The following MED1 variants were observed in gnomAD, a reference collection of about 807,000 sequenced individuals.
MED1 encodes mediator complex subunit 1.
In MED1, 17 loss-of-function variants were observed where a neutral mutation model predicts 121.3. The observed-to-expected ratio is 0.14, with a 90% CI of 0.10 to 0.21. The LOEUF (loss-of-function observed/expected upper bound fraction) is 0.21. MED1 is among the 10% of genes least tolerant of loss of function. The probability of loss-of-function intolerance (pLI) is 1.00; values close to 1 mark genes in which losing one functional copy is unlikely to be tolerated. For missense variants in MED1, 1,558 were observed against 1,919.4 expected (o/e 0.81, Z 3.52); for synonymous variants, 661 against 694.4 (o/e 0.95, Z 0.76).
chr17:39,439,698 G>C (rs1567651779), intron 5 of MED1, among the ~76,000 whole-genome samples: 3 of 152,132 alleles, frequency 2.0e-5, no homozygotes, highest in South Asian at 4.1e-4. Flanking sequence ...AACACTTTGG[G>C]AGGCTGAGGC....
chr17:39,412,782 C>T (rs1320907501), intron 16 of MED1, among the ~76,000 whole-genome samples: 1 of 151,770 alleles, frequency 6.6e-6, no homozygotes, highest in African/African-American at 2.4e-5. Context: ...GTGATTTACC[C>T]GCCTCAGCCT....
chr17:39,426,371 C>T (rs939726085), intron 10 of MED1, among the ~76,000 whole-genome samples: 1 of 151,822 alleles, frequency 6.6e-6, no homozygotes, highest in Admixed American at 6.6e-5. Flanking sequence ...CACTTGAACC[C>T]AGGAGGTGTA....
chr17:39,421,699 T>C (rs1258407914), intron 13 of MED1, among the ~76,000 whole-genome samples: 4 of 152,192 alleles, frequency 2.6e-5, no homozygotes, highest in Admixed American at 2.6e-4. Flanking sequence ...TCTTAATTAC[T>C]GCTTCCAGCA....
chr17:39,423,271 T>C (rs528433988), intron 13 of MED1, 56 bp downstream of exon 13: 13 of 1,278,160 alleles, frequency 1.0e-5, no homozygotes, highest in East Asian at 9.3e-5. Context: ...AGGAAGATTA[T>C]GATCTTGGGT....
rs138343312 is a variant in MED1 at position 39,423,396 on chromosome 17, C to G, written c.1026G>C (p.Leu342=). 220 of 1,613,816 alleles carry G rather than the reference C, an allele frequency of 1.4e-4. No individual in the cohort carries two copies. Among genetic ancestry groups the G allele is most frequent in the Non-Finnish European group, 1.8e-4 (214 of 1,179,906 alleles). ...TQPTYAPLYE[L]ITQFELSKDP... Reference sequence around the variant, plus strand: ...CCTTTGATAGCTCAAACTGAGTGATCAGTTCATACAGGGGTGCATAAGTTG... The same window carrying G: ...CCTTTGATAGCTCAAACTGAGTGATGAGTTCATACAGGGGTGCATAAGTTG... Residue 342 remains leucine (L), a synonymous_variant, in exon 13 of 17, where the codon CTG becomes CTC. Transcript: ENST00000300651.
chr17:39,413,943 C>T (rs2048380866), intron 16 of MED1, among the ~76,000 whole-genome samples: 1 of 132,208 alleles, frequency 7.6e-6, no homozygotes, highest in Admixed American at 7.8e-5. Context: ...AAAAACAAAG[C>T]TGGCTGTGTG....
At chr17:39,436,218 G>A (rs1415147409) in intron 6 of MED1, among the ~76,000 whole-genome samples, 3 of 151,860 alleles carry the variant, frequency 2.0e-5, no homozygotes, top group East Asian at 1.9e-4. Context: ...AAAATTATCC[G>A]GGCATGGTGG....
chr17:39,424,866 T>C (rs1232535118), intron 10 of MED1, 128 bp from the exon 11 acceptor site: 4 of 601,602 alleles, frequency 6.6e-6, no homozygotes, highest in South Asian at 4.1e-5. Flanking sequence ...TATTCCCTTA[T>C]TTATTTATTT....
Position 39,407,458 on chromosome 17 carries a change from T to C in MED1, c.*17A>G. 1.3e-6 allele frequency: 2 copies of C among 1,579,858 alleles called. No individual in the cohort carries two copies. Among genetic ancestry groups the C allele is most frequent in the Non-Finnish European group, 1.7e-6 (2 of 1,165,152 alleles). Reference sequence around the variant, plus strand: ...TTTTTTTTCCTCTGGCCCTGTTTCTTTTAGGAAATAAGGTTCCTAATTCCC... The same window carrying C: ...TTTTTTTTCCTCTGGCCCTGTTTCTCTTAGGAAATAAGGTTCCTAATTCCC... On this transcript the variant is annotated 3_prime_UTR_variant, in exon 17 of 17. Transcript: ENST00000300651.
chr17:39,410,716 A>G lies in MED1; in HGVS notation c.1505T>C (p.Met502Thr). The G allele has an allele frequency of 6.3e-7, 1 of 1,593,468 alleles. No individual in the cohort carries two copies. Among genetic ancestry groups the G allele is most frequent in the African/African-American group, 1.3e-5 (1 of 74,250 alleles). ...AGCCCTCATCGTCACAGGGATGGAC[A>G]TACATCTGCAAAATAAAGAAGAAAA... is the stretch of plus-strand genomic sequence containing the variant. ...DFIAKVVQRC[M>T]SIPVTMRAIR... The change falls in exon 17 of 17, where the codon ATG becomes ACG. Residue 502 changes from methionine (M) to threonine (T), a missense_variant. By Grantham distance (81) the Met-to-Thr change is moderately conservative. Transcript: ENST00000300651.
At position 39,409,263 on chromosome 17, in the gene MED1, G is replaced by A. The variant is rs765321717; in HGVS notation, c.2958C>T (p.Pro986=). The A allele has an allele frequency of 2.6e-5, 42 of 1,613,852 alleles. No homozygotes were observed. Among genetic ancestry groups the A allele is most frequent in the South Asian group, 3.3e-5 (3 of 91,082 alleles). ...GCTTCCCTGGTTTGCTGTCTAATCCGGGCCCCGAGAGAGTACTATTACTGG... is the reference window on the plus strand; with the variant it reads ...GCTTCCCTGGTTTGCTGTCTAATCCAGGCCCCGAGAGAGTACTATTACTGG... ...NGTSNSTLSG[P]GLDSKPGKRS... The change falls in exon 17 of 17, where the codon CCC becomes CCT. Residue 986 remains proline (P), a synonymous_variant. Transcript: ENST00000300651.
rs576182143 is a variant in MED1, at chr17:39,414,570, C to T, written c.1499+456G>A. Among the ~76,000 whole-genome samples the T allele has an allele frequency of 1.2e-3, 170 of 147,460 alleles. 1 individual carries two copies. Among genetic ancestry groups the T allele is most frequent in the African/African-American group, 4.2e-3 (166 of 39,864 alleles). ...CAGGATGGTCTCAATCTCCTGACCT[C>T]GTGATCCACCCGCCTTCACCTCCCA... is the stretch of plus-strand genomic sequence containing the variant. On this transcript the variant is annotated intron_variant, in intron 16 of 16. Coordinates refer to ENST00000300651, the MANE Select transcript of MED1 (RefSeq NM_004774.4).
At position 39,408,080 on chromosome 17, in the gene MED1, A is replaced by G. The variant is rs1260692535; in HGVS notation, c.4141T>C (p.Ser1381Pro). ...SVDSSKKTSE[S>P]KNVGSTGVAK... ...ACACCTGTGCTCCCCACATTTTTTG[A>G]CTCTGAGGTCTTCTTAGAAGAATCC... Residue 1381 changes from serine (S) to proline (P), a missense_variant, in exon 17 of 17, where the codon TCA (serine) becomes CCA (proline). Transcript: ENST00000300651. The surrounding 1 kb of genome is among the most constrained non-coding windows in gnomAD (Gnocchi z 4.7). 6.2e-7 allele frequency: 1 copy of G among 1,613,850 alleles called. No homozygotes were observed. The highest frequency in any genetic ancestry group is 2.2e-5 in the East Asian group (1 of 44,852).
At chr17:39,444,569 A>C (rs1013255578) in intron 2 of MED1, among the ~76,000 whole-genome samples, 1 of 150,236 alleles carries the variant, frequency 6.7e-6, no homozygotes, top group Non-Finnish European at 1.5e-5. Flanking sequence ...TCCAAAGAAC[A>C]AAAACTTAGC....
At chr17:39,436,123 G>A (rs1469450636) in intron 6 of MED1, among the ~76,000 whole-genome samples, 5 of 151,926 alleles carry the variant, frequency 3.3e-5, no homozygotes, top group African/African-American at 1.2e-4. Flanking sequence ...AGCACTTTGG[G>A]AGGCCGAGGC....
intron 16 of MED1, among the ~76,000 whole-genome samples, chr17:39,414,319 T>C (rs1292975164): frequency 6.6e-6 from 1 of 151,710 alleles, no homozygotes; most frequent in Non-Finnish European, 1.5e-5. Context: ...TTGAAATTCA[T>C]GCTAATTCTG....
chr17:39,410,558 T>G lies in MED1; in HGVS notation c.1663A>C (p.Asn555His), dbSNP rs776779260. 1 of 1,614,012 alleles carries G rather than the reference T, an allele frequency of 6.2e-7. No individual in the cohort carries two copies. Among genetic ancestry groups the G allele is most frequent in the African/African-American group, 1.3e-5 (1 of 74,882 alleles). The change falls in exon 17 of 17, where the codon AAC (asparagine) becomes CAC (histidine). Residue 555 changes from asparagine to histidine, a missense_variant. Asn to His is a moderately conservative substitution (Grantham distance 68). This residue lies in a region of MED1 where 50 missense variants were observed against 134.5 expected (regional missense o/e 0.37). Coordinates refer to ENST00000300651, the MANE Select transcript of MED1 (RefSeq NM_004774.4). Reference protein sequence around the residue: ...SPGYGMTTGNNPMSGTTTPTN... With the variant: ...SPGYGMTTGNHPMSGTTTPTN... ...GGTGTAGTGGTACCACTCATTGGGT[T>G]GTTGCCTGTGGTCATGCCATACCCT...
Position 39,448,766 on chromosome 17 carries a change from G to A in MED1, c.26-862C>T, listed in dbSNP as rs1046840347. On this transcript the variant is annotated intron_variant, in intron 1 of 16. Transcript: ENST00000300651. ...CTCTACTAAAAATACAAAATTAGCC[G>A]GGCTTGGTGGTACATGCCTGTAATC... 6.8e-4 allele frequency among the ~76,000 whole-genome samples: 103 copies of A among 151,500 alleles called. 1 individual carries two copies. The highest frequency in any genetic ancestry group is 5.9e-4 in the Admixed American group (9 of 15,182).
At chr17:39,426,333 G>T (rs926136260) in intron 10 of MED1, among the ~76,000 whole-genome samples, 4 of 152,000 alleles carry the variant, frequency 2.6e-5, no homozygotes, top group African/African-American at 7.2e-5. Flanking sequence ...TGTAGTCCCA[G>T]CTACTTGGGA....
Sources: allele counts gnomAD v4.1 joint callset (sites outside exome capture counted in the v4.1 genomes callset), GRCh38; gene constraint gnomAD v4.1.1; regional missense constraint gnomAD v4.1.1; non-coding constraint Gnocchi (gnomAD v3.1); transcripts MANE v1.5; gene names NCBI Gene and HGNC (gene_info 2026-07-23, HGNC 2026-07-21).